Variants in HEATR6 observed in about 807,000 individuals in gnomAD.
HEATR6 encodes the protein HEAT repeat-containing protein 6.
A neutral mutation model predicts 132.8 loss-of-function variants in HEATR6; 106 were observed. The observed-to-expected ratio is 0.80, with a 90% CI of 0.68 to 0.94. The LOEUF (loss-of-function observed/expected upper bound fraction) is 0.94, where lower values mean the gene tolerates loss of function less well. Among genes scored for constraint, HEATR6 ranks in the 40% least tolerant of loss-of-function variants. The probability of loss-of-function intolerance (pLI) is 0.00; values close to 1 mark genes in which losing one functional copy is unlikely to be tolerated. For synonymous variants in HEATR6, 529 were observed against 537.8 expected, an observed-to-expected ratio of 0.98 and a Z score of 0.23; for missense variants, 1,339 against 1,425.1, an observed-to-expected ratio of 0.94 and a Z score of 0.97.
chr17:60,078,866 C>T lies in HEATR6; in HGVS notation c.49G>A (p.Glu17Lys), dbSNP rs2083310631. 1 of 1,522,872 alleles carries T rather than the reference C, an allele frequency of 6.6e-7. No homozygotes were observed. The highest frequency in any genetic ancestry group is 8.9e-7 in the Non-Finnish European group (1 of 1,125,478). The allele number at this position is 1,522,872 out of a possible 1,614,324, so 94.3% of individuals were successfully genotyped here. A position where few individuals can be genotyped will look rare whatever the true frequency, so the allele number is the denominator to read the frequency against. ...VGSWPSVQPR[E>K]APREAIPERG... ...TCAGGGATTGCTTCCCGCGGTGCCT[C>T]CCGCGGCTGCACGGAAGGCCACGAA... Residue 17 changes from glutamate (E) to lysine (K), a missense_variant, in exon 1 of 20, where the codon GAG (glutamate) becomes AAG (lysine). Transcript: ENST00000184956.
At chr17:60,050,782 T>C in intron 15 of HEATR6, 61 bp downstream of exon 15, 2 of 1,592,738 alleles carry the variant, frequency 1.3e-6, no homozygotes, top group South Asian at 2.2e-5. Context: ...TGCAAAAGCA[T>C]CAAATTCTAG....
chr17:60,061,622 C>T (rs907183749), intron 9 of HEATR6, among the ~76,000 whole-genome samples: 14 of 152,206 alleles, frequency 9.2e-5, no homozygotes, highest in African/African-American at 2.7e-4. Context: ...AACGTGGTTG[C>T]GTTCCAAAAA....
chr17:60,063,552 G>T (rs977191061), intron 9 of HEATR6: 1 of 152,142 alleles, frequency 6.6e-6, no homozygotes, highest in African/African-American at 2.4e-5. Context: ...TGCCAAATCC[G>T]AATGGACATT....
At chr17:60,076,427 GCA>G (rs1336281767) in intron 1 of HEATR6, 190 bp from the exon 2 acceptor site, 5 of 541,984 alleles carry the variant, frequency 9.2e-6, no homozygotes, top group Non-Finnish European at 1.6e-5. Context: ...AAAAAGCCAG[GCA>G]CAGTGGCTCA....
intron 3 of HEATR6, 106 bp from the exon 4 acceptor site, chr17:60,073,385 C>T (rs2083279447): frequency 1.5e-6 from 1 of 672,332 alleles, no homozygotes; most frequent in Non-Finnish European, 2.6e-6. Context: ...CAGTTAAGCA[C>T]CAAAAGACTA....
rs1598910203 is a variant in HEATR6, at chr17:60,056,956, T to C, written c.2079+92A>G. 7 of 826,930 alleles carry C rather than the reference T, an allele frequency of 8.5e-6. No individual in the cohort carries two copies. The East Asian group carries it at 1.5e-4, about 18-fold the overall frequency. The allele number at this position is 826,930 out of a possible 1,614,324, so 51.2% of individuals were successfully genotyped here. Reference sequence around the variant, plus strand: ...ACAATTCCCACGAACACAATTGACATATGGCTTGGTTTTACCTGCTCGCTC... The same window carrying C: ...ACAATTCCCACGAACACAATTGACACATGGCTTGGTTTTACCTGCTCGCTC... On this transcript the variant is annotated intron_variant, in intron 12 of 19. Coordinates refer to ENST00000184956, the MANE Select transcript of HEATR6 (RefSeq NM_022070.5).
rs749572665 is a variant in HEATR6, at chr17:60,043,605, T to C, written c.3504A>G (p.Ser1168=). The change falls in exon 20 of 20, where the codon TCA becomes TCG. Residue 1168 remains serine, a synonymous_variant. Transcript: ENST00000184956. ...LEEILAVCFD[S]SGSQGALPGL... ...CTGGGAGTGCCCCTTGTGATCCAGA[T>C]GAGTCAAAACAAACGGCCAGGATCT... 1.2e-6 allele frequency: 2 copies of C among 1,614,010 alleles called. No individual in the cohort carries two copies. The highest frequency in any genetic ancestry group is 1.7e-6 in the Non-Finnish European group (2 of 1,180,016).
intron 14 of HEATR6, among the ~76,000 whole-genome samples, chr17:60,054,549 T>C (rs1269668963): frequency 2.0e-5 from 3 of 152,258 alleles, no homozygotes; most frequent in Non-Finnish European, 4.4e-5. Flanking sequence ...GTGCACTGGA[T>C]GCGGGACATG....
intron 1 of HEATR6, chr17:60,076,726 A>G (rs1002554549): frequency 6.5e-6 from 1 of 153,130 alleles, no homozygotes; most frequent in Non-Finnish European, 1.5e-5. Context: ...AAAAGAAAAA[A>G]AAAGGAAAAG....
rs766256360 is a variant in HEATR6, at chr17:60,073,805, T to G, written c.409A>C (p.Arg137=). ...GCTGCCAGGGCTTGAAGAATTTCCC[T>G]GTGTGTCCAGGAACTACACTGATGA... ...AIHQCSSWTH[R]EILQALAALV... is the part of the protein sequence containing the mutation. Residue 137 remains arginine, a synonymous_variant, in exon 3 of 20, where the codon AGG becomes CGG. Coordinates refer to ENST00000184956, the MANE Select transcript of HEATR6 (RefSeq NM_022070.5). The G allele has an allele frequency of 5.0e-6, 8 of 1,614,112 alleles. No homozygotes were observed. The South Asian group carries it at 7.7e-5, about 16-fold the overall frequency.
At chr17:60,056,980 T>A in intron 12 of HEATR6, 68 bp downstream of exon 12, 1 of 1,232,134 alleles carries the variant, frequency 8.1e-7, no homozygotes. Flanking sequence ...ACCTGCTCGC[T>A]CCTCACAGTC....
chr17:60,046,272 A>C (rs771555078), intron 18 of HEATR6, 43 bp from the exon 19 acceptor site: 1 of 1,490,724 alleles, frequency 6.7e-7, no homozygotes, highest in African/African-American at 1.4e-5. Flanking sequence ...TTGGCCAAAG[A>C]GATGTTTCCA....
chr17:60,069,631 G>T (rs1597955744), intron 7 of HEATR6, 80 bp downstream of exon 7: 1 of 1,351,228 alleles, frequency 7.4e-7, no homozygotes. Flanking sequence ...TAGGGTAGTA[G>T]TGATGCAAAT....
rs145614720 is a variant in HEATR6 at position 60,063,172 on chromosome 17, G to A, written c.1416+3037C>T. 2.6e-5 allele frequency: 4 copies of A among 152,268 alleles called. No homozygotes were observed. In the East Asian group the frequency reaches 7.7e-4, roughly 29 times the overall value. 9.4% of individuals were successfully genotyped at this position (152,268 alleles called of 1,614,324 possible). The stretch of plus-strand genomic sequence containing the variant: ...AGAGAAAATCTACCATTCCATAACA[G>A]TTAACAATTCCAACCTTTTCATTCT... On this transcript the variant is annotated intron_variant, in intron 9 of 19. Coordinates refer to ENST00000184956, the MANE Select transcript of HEATR6 (RefSeq NM_022070.5).
rs536036647 is a variant in HEATR6 at position 60,077,436 on chromosome 17, G to A, written c.220-1199C>T. Among the ~76,000 whole-genome samples the A allele has an allele frequency of 9.2e-5, 14 of 152,298 alleles. No homozygotes were observed. In the East Asian group the frequency reaches 2.3e-3, roughly 25 times the overall value. On this transcript the variant is annotated intron_variant, in intron 1 of 19. Transcript: ENST00000184956. ...AGAGAATGGAAGTTTTGTTGCAAAA[G>A]TATCCAATTACACAAATACAGCAAA...
At chr17:60,076,463 G>A (rs1597959797) in intron 1 of HEATR6, 1 of 451,754 alleles carries the variant, frequency 2.2e-6, no homozygotes, top group East Asian at 3.9e-5. Context: ...TTCTTCCGGA[G>A]GTCAAAGCGG....
chr17:60,057,237 G>T lies in HEATR6; in HGVS notation c.1890C>A (p.Ala630=), dbSNP rs1447851483. The T allele has an allele frequency of 4.3e-6, 7 of 1,614,178 alleles. No homozygotes were observed. ...TTTCTTCCAGAGAGGGTCCTGCAGG[G>T]GCTTTCTTCCACCAATCAGGAGGGC... ...HLSPPDWWKK[A]PAGPSLEETS... Residue 630 remains alanine (A), a synonymous_variant, in exon 12 of 20, where the codon GCC becomes GCA. Transcript: ENST00000184956.
intron 12 of HEATR6, 88 bp downstream of exon 12, chr17:60,056,960 G>T: frequency 2.3e-6 from 2 of 862,002 alleles, no homozygotes; most frequent in Non-Finnish European, 3.6e-6. Context: ...TTGACATATG[G>T]CTTGGTTTTA....
intron 6 of HEATR6, 143 bp downstream of exon 6, chr17:60,070,563 T>A: frequency 2.0e-6 from 1 of 506,638 alleles, no homozygotes; most frequent in Non-Finnish European, 3.5e-6. Flanking sequence ...TGTCTTTGAA[T>A]ATGAACATTT....
Sources: allele counts gnomAD v4.1 joint callset (sites outside exome capture counted in the v4.1 genomes callset), GRCh38; gene constraint gnomAD v4.1.1; transcripts MANE v1.5; gene names NCBI Gene and HGNC (gene_info 2026-07-23, HGNC 2026-07-21).